The following ELAVL4 variants were observed in gnomAD, a reference collection of about 807,000 sequenced individuals.
The protein encoded by ELAVL4 is ELAV-like protein 4.
Under a neutral mutation model 35.6 loss-of-function variants are expected in ELAVL4, and 1 was observed. The observed-to-expected ratio is 0.03, with a 90% CI of 0.01 to 0.13. The LOEUF is 0.13. ELAVL4 is among the 10% of genes least tolerant of loss of function. ELAVL4 has a pLI of 1.00. For missense variants in ELAVL4, 267 were observed against 464.9 expected (o/e 0.57, Z 3.91); for synonymous variants, 156 against 171.0 (o/e 0.91, Z 0.69).
rs765571149 is a variant in ELAVL4 at position 50,177,123 on chromosome 1, T to C, written c.285T>C (p.Ile95=). The stretch of plus-strand genomic sequence containing the variant: ...TAGGGTATGGATTTGTTAACTATAT[T>C]GATCCAAAGGATGCAGAGAAAGCCA... ...QSLGYGFVNY[I]DPKDAEKAIN... Residue 95 remains isoleucine (I), a synonymous_variant, in exon 3 of 7, where the codon ATT becomes ATC. Coordinates refer to ENST00000371824, the MANE Select transcript of ELAVL4 (RefSeq NM_001144774.3). 64 of 1,613,920 alleles carry C rather than the reference T, an allele frequency of 4.0e-5. No individual in the cohort carries two copies. Among genetic ancestry groups the C allele is most frequent in the Non-Finnish European group, 5.3e-5 (63 of 1,179,966 alleles).
intron 2 of ELAVL4, chr1:50,174,424 T>G (rs1679604128): frequency 6.6e-6 from 1 of 152,202 alleles, no homozygotes; most frequent in Admixed American, 6.5e-5. Flanking sequence ...TTATTTCATA[T>G]CAAGGAGAAT....
intron 3 of ELAVL4, among the ~76,000 whole-genome samples, chr1:50,192,230 CAGG>C (rs937688589): frequency 1.5e-4 from 23 of 152,178 alleles, no homozygotes; most frequent in African/African-American, 5.3e-4. Context: ...ACTCCATCAG[CAGG>C]AGGAGGCCAG....
intron 2 of ELAVL4, among the ~76,000 whole-genome samples, chr1:50,168,981 T>A (rs61784190): frequency 6.7e-6 from 1 of 148,390 alleles, no homozygotes; most frequent in East Asian, 2.0e-4. Flanking sequence ...CACATATATA[T>A]ATGTATATAT....
intron 2 of ELAVL4, among the ~76,000 whole-genome samples, chr1:50,158,026 C>T (rs539023343): frequency 4.6e-5 from 7 of 152,286 alleles, no homozygotes; most frequent in Non-Finnish European, 2.9e-5. Flanking sequence ...CCTATATCTA[C>T]GTCTCTGCCT....
chr1:50,110,045 G>T, intron 1 of ELAVL4: 1 of 1,544,988 alleles, frequency 6.5e-7, no homozygotes, highest in Non-Finnish European at 8.9e-7. Context: ...GTGTGTATGT[G>T]TAAGGATGCT....
At chr1:50,119,057 AAAGAAAGAAAGAAAG>A (rs1668542983) in intron 1 of ELAVL4, among the ~76,000 whole-genome samples, 1 of 132,482 alleles carries the variant, frequency 7.5e-6, no homozygotes, top group African/African-American at 3.0e-5. Context: ...AGAAAGAAAG[AAAGAAAGAAAGAAAG>A]AAAGAAAGAA....
At chr1:50,113,565 A>T (rs9436888) in intron 1 of ELAVL4, among the ~76,000 whole-genome samples, 1 of 151,770 alleles carries the variant, frequency 6.6e-6, no homozygotes, top group African/African-American at 2.4e-5. Flanking sequence ...AGCTGGCCAG[A>T]GGATGCTAAA....
At chr1:50,123,945 T>C (rs1669459079) in intron 1 of ELAVL4, among the ~76,000 whole-genome samples, 1 of 152,148 alleles carries the variant, frequency 6.6e-6, no homozygotes, top group South Asian at 2.1e-4. Flanking sequence ...TTTATTTTTC[T>C]AGGTTTCACC....
At chr1:50,186,958 T>C (rs1399973033) in intron 3 of ELAVL4, among the ~76,000 whole-genome samples, 1 of 152,228 alleles carries the variant, frequency 6.6e-6, no homozygotes, top group Non-Finnish European at 1.5e-5. Context: ...AAACTGATCC[T>C]CACAATCAAA....
chr1:50,129,098 T>TA (rs1442811836), intron 1 of ELAVL4, among the ~76,000 whole-genome samples: 1 of 152,048 alleles, frequency 6.6e-6, no homozygotes, highest in South Asian at 2.1e-4. Flanking sequence ...TAAATTATTA[T>TA]AAAAAATTAT....
At chr1:50,168,298 C>A (rs1000584178) in intron 2 of ELAVL4, among the ~76,000 whole-genome samples, 1 of 152,162 alleles carries the variant, frequency 6.6e-6, no homozygotes, top group Admixed American at 6.5e-5. Context: ...TCATTAGGAT[C>A]CTCCCACACA....
At chr1:50,190,989 C>G (rs1682582404) in intron 3 of ELAVL4, among the ~76,000 whole-genome samples, 1 of 152,202 alleles carries the variant, frequency 6.6e-6, no homozygotes, top group African/African-American at 2.4e-5. Context: ...CCCTTTTAAC[C>G]TTTGATTAAT....
At chr1:50,092,914 G>A (rs1008269714) in intron 1 of ELAVL4, among the ~76,000 whole-genome samples, 17 of 152,166 alleles carry the variant, frequency 1.1e-4, no homozygotes, top group Admixed American at 1.3e-4. Context: ...AAGGACAAGA[G>A]TAACCTGTGG....
At chr1:50,071,946 C>T (rs12118183) in intron 1 of ELAVL4, among the ~76,000 whole-genome samples, 28,888 of 152,054 alleles carry the variant, frequency 0.19, 3,348 homozygotes, top group East Asian at 0.41. Context: ...AAGTGCTTGG[C>T]ATCCAGTAAG....
chr1:50,115,566 T>A (rs1667802726), intron 1 of ELAVL4, among the ~76,000 whole-genome samples: 1 of 152,142 alleles, frequency 6.6e-6, no homozygotes, highest in Non-Finnish European at 1.5e-5. Flanking sequence ...AGTTCATAAA[T>A]ATTTTTTCCA....
At position 50,200,865 on chromosome 1, in the gene ELAVL4, C is replaced by G; in HGVS notation, c.788C>G (p.Thr263Ser). The G allele has an allele frequency of 6.2e-7, 1 of 1,613,810 alleles. No homozygotes were observed. Among genetic ancestry groups the G allele is most frequent in the Non-Finnish European group, 8.5e-7 (1 of 1,179,916 alleles). Residue 263 changes from threonine (T) to serine (S), a missense_variant, in exon 7 of 7, where the codon ACC becomes AGC. Thr to Ser is a moderately conservative substitution (Grantham distance 58, BLOSUM62 1). This residue lies in a region of ELAVL4 where 216 missense variants were observed against 409.5 expected (regional missense o/e 0.53). Transcript: ENST00000371824. ...TGTCCCCCCAGGTTCTCCCCAATTA[C>G]CATTGATGGAATGACAAGCCTTGTG... ...AYGVKRFSPI[T>S]IDGMTSLVGM...
upstream of ELAVL4, among the ~76,000 whole-genome samples, chr1:50,102,188 GA>G (rs1349632929): frequency 6.6e-6 from 1 of 152,132 alleles, no homozygotes; most frequent in Non-Finnish European, 1.5e-5. Context: ...TCAGGAGGCT[GA>G]GGCAGGAGAA....
chr1:50,107,556 T>G (rs1256534517), upstream of ELAVL4, among the ~76,000 whole-genome samples: 1 of 152,234 alleles, frequency 6.6e-6, no homozygotes, highest in Non-Finnish European at 1.5e-5. Context: ...CAAACCCATT[T>G]ATTCTTGGAC....
At chr1:50,197,283 GA>G in intron 5 of ELAVL4, 145 bp from the exon 6 acceptor site, 1 of 664,030 alleles carries the variant, frequency 1.5e-6, no homozygotes, top group African/African-American at 1.9e-5. Flanking sequence ...AGAAAAGGGG[GA>G]AACTACCGGT....
Sources: allele counts gnomAD v4.1 joint callset (sites outside exome capture counted in the v4.1 genomes callset), GRCh38; gene constraint gnomAD v4.1.1; regional missense constraint gnomAD v4.1.1; transcripts MANE v1.5; gene names NCBI Gene and HGNC (gene_info 2026-07-23, HGNC 2026-07-21).